The following ADRA1A variants were observed in gnomAD, a reference collection of about 807,000 sequenced individuals.
ADRA1A encodes the protein adrenoceptor alpha 1A, also known as alpha-1A adrenergic receptor.
A neutral mutation model predicts 29.6 loss-of-function variants in ADRA1A; 31 were observed. The ratio of observed to expected loss-of-function variants is 1.05; its 90% CI spans 0.79 to 1.41. ADRA1A has a LOEUF of 1.41. ADRA1A is among the 40% of genes most tolerant of loss of function. ADRA1A has a pLI of 0.00. For synonymous variants in ADRA1A, 311 were observed against 254.3 expected (o/e 1.22, Z -2.12); for missense variants, 619 against 601.1 (o/e 1.03, Z -0.31).
chr8:26,766,285 A>G (rs1585640888), downstream of ADRA1A: 2 of 675,978 alleles, frequency 3.0e-6, no homozygotes, highest in African/African-American at 3.6e-5. Flanking sequence ...AATAACTTCA[A>G]TACAACACCC....
rs1021884605 is a variant in ADRA1A at position 26,866,055 on chromosome 8, G to A, written c.-686-400C>T. Among the ~76,000 whole-genome samples the A allele has an allele frequency of 3.9e-5, 6 of 152,176 alleles. No homozygotes were observed. Among genetic ancestry groups the A allele is most frequent in the Non-Finnish European group, 7.4e-5 (5 of 68,012 alleles). ...TCCTAGCCGGGGAATTCTGGAGGAT[G>A]TACTCGGTTTCCGTTAGAACAGGTT... On this transcript the variant is annotated intron_variant, in intron 1 of 2. Coordinates refer to ENST00000380573, the MANE Select transcript of ADRA1A (RefSeq NM_000680.4). This position sits in a 1 kb window ranked among gnomAD's most constrained non-coding sequence, Gnocchi z 5.7.
intron 2 of ADRA1A, among the ~76,000 whole-genome samples, chr8:26,861,755 T>C (rs1483765587): frequency 6.6e-6 from 1 of 152,212 alleles, no homozygotes; most frequent in Non-Finnish European, 1.5e-5. Context: ...TTTACTCAGC[T>C]ATTCAGGCCC....
downstream of ADRA1A, among the ~76,000 whole-genome samples, chr8:26,755,747 C>T (rs1244575720): frequency 1.3e-5 from 2 of 152,204 alleles, no homozygotes; most frequent in African/African-American, 4.8e-5. Flanking sequence ...AGGACTATGT[C>T]TCTGCCCTTG....
At chr8:26,762,926 C>A (rs938086862), downstream of ADRA1A, among the ~76,000 whole-genome samples, 3 of 152,108 alleles carry the variant, frequency 2.0e-5, no homozygotes, top group Admixed American at 2.0e-4. The surrounding 1 kb of genome is among the most constrained non-coding windows in gnomAD (Gnocchi z 4.0). Context: ...ACAAGAGGTC[C>A]CTCCAACAAG....
At chr8:26,810,047 C>T (rs1449999477) in intron 2 of ADRA1A, among the ~76,000 whole-genome samples, 1 of 152,196 alleles carries the variant, frequency 6.6e-6, no homozygotes. Context: ...AACCGGCTGC[C>T]CTTATTACTT....
At chr8:26,785,802 C>T (rs1807326957) in intron 2 of ADRA1A, among the ~76,000 whole-genome samples, 2 of 152,144 alleles carry the variant, frequency 1.3e-5, no homozygotes, top group Non-Finnish European at 2.9e-5. Context: ...TGGCATTTCC[C>T]ATCTTTATAA....
At chr8:26,842,440 T>C (rs753221106) in intron 2 of ADRA1A, among the ~76,000 whole-genome samples, 18 of 152,246 alleles carry the variant, frequency 1.2e-4, no homozygotes, top group Non-Finnish European at 2.5e-4. Context: ...CATGCAAAGC[T>C]CAAAAGCCTC....
chr8:26,769,228 A>G lies in ADRA1A; in HGVS notation c.*921T>C, dbSNP rs1805962189. 1 of 985,432 alleles carries G rather than the reference A, an allele frequency of 1.0e-6. No homozygotes were observed. Among genetic ancestry groups the G allele is most frequent in the Non-Finnish European group, 1.2e-6 (1 of 829,906 alleles). 61.0% of individuals were successfully genotyped at this position (985,432 alleles called of 1,614,324 possible). A position where few individuals can be genotyped will look rare whatever the true frequency, so the allele number is the denominator to read the frequency against. ...TGATTTGTCAAGAAAGGCTTTTGTAAGCCATGTTGAAATGGCTGTGCAGTA... is the reference window on the plus strand; with the variant it reads ...TGATTTGTCAAGAAAGGCTTTTGTAGGCCATGTTGAAATGGCTGTGCAGTA... On this transcript the variant is annotated 3_prime_UTR_variant, in exon 3 of 3. Transcript: ENST00000380573.
chr8:26,795,140 A>G (rs1808106787), intron 2 of ADRA1A, among the ~76,000 whole-genome samples: 1 of 152,098 alleles, frequency 6.6e-6, no homozygotes, highest in South Asian at 2.1e-4. Context: ...TCCTGGAGAA[A>G]TGGCTGATTC....
At chr8:26,755,610 C>T (rs1290398257), downstream of ADRA1A, among the ~76,000 whole-genome samples, 1 of 152,164 alleles carries the variant, frequency 6.6e-6, no homozygotes, top group Non-Finnish European at 1.5e-5. Flanking sequence ...CTGTTCCCCA[C>T]CCCATTGTGT....
chr8:26,799,953 T>C (rs1432629165), intron 2 of ADRA1A, among the ~76,000 whole-genome samples: 2 of 152,150 alleles, frequency 1.3e-5, no homozygotes, highest in Non-Finnish European at 2.9e-5. Flanking sequence ...CTTGACTTCA[T>C]GATGTATTAA....
chr8:26,748,827 T>C (rs1750317949), intron 2 of ADRA1A: 1 of 381,090 alleles, frequency 2.6e-6, no homozygotes, highest in Admixed American at 3.5e-5. Flanking sequence ...TGGCTTTTTA[T>C]AGTGGTTTCA....
chr8:26,766,583 A>G (rs1335146724), downstream of ADRA1A, among the ~76,000 whole-genome samples: 1 of 152,178 alleles, frequency 6.6e-6, no homozygotes, highest in East Asian at 1.9e-4. Context: ...CAGAACATTA[A>G]AAAGTTTGGA....
rs1430747545 is a variant in ADRA1A at position 26,864,651 on chromosome 8, C to T, written c.319G>A (p.Val107Met). Residue 107 changes from valine (V) to methionine (M), a missense_variant, in exon 2 of 3, where the codon GTG becomes ATG. By Grantham distance (21) the Val-to-Met change is conservative (BLOSUM62 1). Coordinates refer to ENST00000380573, the MANE Select transcript of ADRA1A (RefSeq NM_000680.4). This position sits in a 1 kb window ranked among gnomAD's most constrained non-coding sequence, Gnocchi z 8.1. The part of the protein sequence containing the change: ...VFCNIWAAVD[V>M]LCCTASIMGL... ...ATGATGGACGCGGTGCAGCACAGCACATCCACTGCCGCCCAGATGTTGCAG... is the reference window on the plus strand; with the variant it reads ...ATGATGGACGCGGTGCAGCACAGCATATCCACTGCCGCCCAGATGTTGCAG... The T allele has an allele frequency of 6.2e-7, 1 of 1,614,202 alleles. No individual in the cohort carries two copies. The highest frequency in any genetic ancestry group is 8.5e-7 in the Non-Finnish European group (1 of 1,180,044).
chr8:26,793,117 G>A (rs1358809749), intron 2 of ADRA1A, among the ~76,000 whole-genome samples: 2 of 151,808 alleles, frequency 1.3e-5, no homozygotes, highest in South Asian at 2.1e-4. Context: ...GGAATAGACA[G>A]GATTATTTTA....
rs397706242 is a variant in ADRA1A, at chr8:26,865,909, A to AAC, written c.-686-255_-686-254insGT. Among the ~76,000 whole-genome samples the AAC allele has an allele frequency of 1.3e-5, 2 of 151,666 alleles. No individual in the cohort carries two copies. Among genetic ancestry groups the AAC allele is most frequent in the African/African-American group, 4.8e-5 (2 of 41,248 alleles). On this transcript the variant is annotated intron_variant, in intron 1 of 2. Coordinates refer to ENST00000380573, the MANE Select transcript of ADRA1A (RefSeq NM_000680.4). The surrounding 1 kb of genome is among the most constrained non-coding windows in gnomAD (Gnocchi z 7.6). Reference sequence around the variant, plus strand: ...TCCGAAGCGAAAAACAAACAAAAAAACAAATCCCCAAAACCCCAGGCTCCA... The same window carrying AAC: ...TCCGAAGCGAAAAACAAACAAAAAAAACCAAATCCCCAAAACCCCAGGCTCCA...
chr8:26,759,364 A>C (rs1168280978), intron 2 of ADRA1A, among the ~76,000 whole-genome samples: 1 of 152,238 alleles, frequency 6.6e-6, no homozygotes, highest in Non-Finnish European at 1.5e-5. Flanking sequence ...TCCCAATAAA[A>C]GTATGACTCT....
chr8:26,756,393 T>C, downstream of ADRA1A: 1 of 1,281,872 alleles, frequency 7.8e-7, no homozygotes, highest in Non-Finnish European at 1.0e-6. Context: ...CCTTATGGAA[T>C]TCCTCACACC....
chr8:26,775,068 GA>G lies in ADRA1A; in HGVS notation c.884-4403del, dbSNP rs34547072. On this transcript the variant is annotated intron_variant, in intron 2 of 2. Transcript: ENST00000380573. The surrounding 1 kb of genome is among the most constrained non-coding windows in gnomAD (Gnocchi z 4.1). The stretch of plus-strand genomic sequence containing the variant: ...GCCTCTGACCCAGTCACTCTGTGGG[GA>G]AGTCCATTCGAGCAGCCATCCGGCC... 0.28 allele frequency among the ~76,000 whole-genome samples: 42,149 copies of G among 152,018 alleles called. 7,160 individuals are homozygous for G. The highest frequency in any genetic ancestry group is 0.79 in the East Asian group (4,063 of 5,122).
Sources: gnomAD v4.1 joint callset for allele counts (sites outside exome capture counted in the v4.1 genomes callset) on GRCh38, gnomAD v4.1.1 for gene constraint, Gnocchi (gnomAD v3.1) non-coding constraint, MANE v1.5 for transcripts, NCBI Gene and HGNC (gene_info 2026-07-23, HGNC 2026-07-21) for gene names.